The following RPL27A variants were observed in gnomAD, a reference collection of about 807,000 sequenced individuals.
RPL27A encodes large ribosomal subunit protein uL15.
For synonymous variants in RPL27A, 69 were observed against 68.3 expected, an observed-to-expected ratio of 1.01 and a Z score of -0.05; for missense variants, 118 against 189.4, an observed-to-expected ratio of 0.62 and a Z score of 2.21.
Position 8,686,026 on chromosome 11 carries a change from C to G in RPL27A, c.*220C>G. ...AGTTAAACATTTCTGTTTATAAAGTCAGAATAATACCTGTTGATCACTGAA... is the reference window on the plus strand; with the variant it reads ...AGTTAAACATTTCTGTTTATAAAGTGAGAATAATACCTGTTGATCACTGAA... On this transcript the variant is annotated 3_prime_UTR_variant, in exon 5 of 5. Transcript: ENST00000314138. 1 of 527,122 alleles carries G rather than the reference C, an allele frequency of 1.9e-6. No individual in the cohort carries two copies. The highest frequency in any genetic ancestry group is 3.4e-6 in the Non-Finnish European group (1 of 293,524). The allele number at this position is 527,122 out of a possible 1,614,324, so 32.7% of individuals were successfully genotyped here. A position where few individuals can be genotyped will look rare whatever the true frequency, so the allele number is the denominator to read the frequency against.
In RPL27A at chr11:8,688,167, AGT is replaced by A. The variant is rs2039604550; in HGVS notation, c.*2363_*2364del. ...CTGAAGGCAGAACCAAGAAAATGGG[AGT>A]GAGTATGGAAAAGGTACGATTCAGA... On this transcript the variant is annotated 3_prime_UTR_variant, in exon 5 of 5. Coordinates refer to ENST00000314138, the MANE Select transcript of RPL27A (RefSeq NM_000990.5). 6.6e-6 allele frequency: 1 copy of A among 152,284 alleles called. No individual in the cohort carries two copies. Among genetic ancestry groups the A allele is most frequent in the Non-Finnish European group, 1.5e-5 (1 of 68,112 alleles). The allele number at this position is 152,284 out of a possible 1,614,324, so 9.4% of individuals were successfully genotyped here.
intron 1 of RPL27A, 25 bp downstream of exon 1, chr11:8,682,841 T>G: frequency 6.2e-7 from 1 of 1,609,184 alleles, no homozygotes; most frequent in Non-Finnish European, 8.5e-7. Context: ...TCTTGCCTCC[T>G]CTTCCTTGCC....
intron 2 of RPL27A, chr11:8,683,491 T>G: frequency 1.7e-6 from 1 of 586,574 alleles, no homozygotes. Context: ...GTTGAAGACA[T>G]GGAGTACTGT....
chr11:8,683,190 T>C lies in RPL27A; in HGVS notation c.4-12T>C, dbSNP rs376923224. On this transcript the variant is annotated splice_polypyrimidine_tract_variant and intron_variant, in intron 1 of 4. Coordinates refer to ENST00000314138, the MANE Select transcript of RPL27A (RefSeq NM_000990.5). Reference sequence around the variant, plus strand: ...ATTCCTTAGGCCTTACCACCAAGCTTTTTCCACACAGCCATCCAGACTGAG... The same window carrying C: ...ATTCCTTAGGCCTTACCACCAAGCTCTTTCCACACAGCCATCCAGACTGAG... The C allele has an allele frequency of 5.0e-6, 8 of 1,613,976 alleles. No individual in the cohort carries two copies. Among genetic ancestry groups the C allele is most frequent in the Non-Finnish European group, 6.8e-6 (8 of 1,179,966 alleles).
At position 8,688,324 on chromosome 11, in the gene RPL27A, T is replaced by G. The variant is rs2039606060; in HGVS notation, c.*2518T>G. ...AATGGCTACCTTCTTCCCCAGGAGT[T>G]GTTAGGCCATCCGATCCCCTGGCCT... On this transcript the variant is annotated 3_prime_UTR_variant, in exon 5 of 5. Coordinates refer to ENST00000314138, the MANE Select transcript of RPL27A (RefSeq NM_000990.5). 6.6e-6 allele frequency: 1 copy of G among 152,170 alleles called. No homozygotes were observed. The highest frequency in any genetic ancestry group is 2.1e-4 in the South Asian group (1 of 4,828). The allele number at this position is 152,170 out of a possible 1,614,324, so 9.4% of individuals were successfully genotyped here. A position where few individuals can be genotyped will look rare whatever the true frequency, so the allele number is the denominator to read the frequency against.
chr11:8,684,132 G>A, intron 3 of RPL27A, 51 bp downstream of exon 3: 1 of 1,474,794 alleles, frequency 6.8e-7, no homozygotes, highest in Non-Finnish European at 9.5e-7. Flanking sequence ...GGTAGGGGCA[G>A]AGAGAGGGCT....
At chr11:8,683,609 C>CT in intron 2 of RPL27A, 2 of 496,124 alleles carry the variant, frequency 4.0e-6, no homozygotes, top group South Asian at 4.4e-5. Context: ...AAGCGGGACA[C>CT]AGAAGTCTGG....
In RPL27A at chr11:8,686,434, T is replaced by G. The variant is rs1334824033; in HGVS notation, c.*628T>G. 1 of 152,430 alleles carries G rather than the reference T, an allele frequency of 6.6e-6. No homozygotes were observed. Among genetic ancestry groups the G allele is most frequent in the Non-Finnish European group, 1.5e-5 (1 of 68,238 alleles). 9.4% of individuals were successfully genotyped at this position (152,430 alleles called of 1,614,324 possible). On this transcript the variant is annotated 3_prime_UTR_variant, in exon 5 of 5. Transcript: ENST00000314138. Reference sequence around the variant, plus strand: ...TCAGTAGAGATGGGGTTTCACCATGTTGGCCATGCTGGTCTCTAACTCCTA... The same window carrying G: ...TCAGTAGAGATGGGGTTTCACCATGGTGGCCATGCTGGTCTCTAACTCCTA...
At chr11:8,684,318 G>A (rs777994723) in intron 3 of RPL27A, 2 of 745,692 alleles carry the variant, frequency 2.7e-6, no homozygotes, top group South Asian at 2.7e-5. Context: ...ACTGGCTGTG[G>A]GCCTTATGGC....
At chr11:8,682,878 A>G (rs1266317381) in intron 1 of RPL27A, 62 bp downstream of exon 1, 3 of 1,560,476 alleles carry the variant, frequency 1.9e-6, no homozygotes, top group Middle Eastern at 1.7e-4. Context: ...CTGTATTCCC[A>G]TTGCCCCTAG....
chr11:8,685,968 A>G lies in RPL27A; in HGVS notation c.*162A>G, dbSNP rs945865418. The stretch of plus-strand genomic sequence containing the variant: ...TCCTCTCCTGACTTCCCTCAAATAT[A>G]TGGTAAACGTAAGACCAACACAGAC... On this transcript the variant is annotated 3_prime_UTR_variant, in exon 5 of 5. Coordinates refer to ENST00000314138, the MANE Select transcript of RPL27A (RefSeq NM_000990.5). 1.1e-5 allele frequency: 7 copies of G among 631,000 alleles called. No homozygotes were observed. Among genetic ancestry groups the G allele is most frequent in the Non-Finnish European group, 1.6e-5 (6 of 364,594 alleles). The allele number at this position is 631,000 out of a possible 1,614,324, so 39.1% of individuals were successfully genotyped here. A position where few individuals can be genotyped will look rare whatever the true frequency, so the allele number is the denominator to read the frequency against.
rs1555082942 is a variant in RPL27A at position 8,687,389 on chromosome 11, T to TTCCCCC, written c.*1583_*1584insTCCCCC. On this transcript the variant is annotated 3_prime_UTR_variant, in exon 5 of 5. Transcript: ENST00000314138. ...CTTGGGCAACAAGAGTGAAACTCTG[T>TTCCCCC]CCACCCCCCCCAAAAAAAGTAAGGG... 7 of 100,794 alleles carry TTCCCCC rather than the reference T, an allele frequency of 6.9e-5. No homozygotes were observed. The highest frequency in any genetic ancestry group is 2.2e-4 in the Admixed American group (2 of 9,160). The allele number at this position is 100,794 out of a possible 1,614,324, so 6.2% of individuals were successfully genotyped here.
chr11:8,684,458 G>A (rs1295464738), intron 3 of RPL27A: 7 of 695,832 alleles, frequency 1.0e-5, no homozygotes, highest in Non-Finnish European at 1.8e-5. Context: ...GCTGTTATGT[G>A]ACTTGAATTT....
chr11:8,685,146 C>T, intron 4 of RPL27A: 1 of 544,900 alleles, frequency 1.8e-6, no homozygotes. Flanking sequence ...CCTTCATGTT[C>T]TCCAGATAAT....
rs2039601738 is a variant in RPL27A, at chr11:8,687,840, G to C, written c.*2034G>C. The C allele has an allele frequency of 6.6e-6, 1 of 152,076 alleles. No homozygotes were observed. Among genetic ancestry groups the C allele is most frequent in the African/African-American group, 2.4e-5 (1 of 41,356 alleles). The allele number at this position is 152,076 out of a possible 1,614,324, so 9.4% of individuals were successfully genotyped here. ...AGACAGGGTTTCACCGTGTTAGCCA[G>C]GATGGTCTCGATCTCCTGATCTGCC... On this transcript the variant is annotated 3_prime_UTR_variant, in exon 5 of 5. Transcript: ENST00000314138.
Position 8,689,224 on chromosome 11 carries a change from G to C in RPL27A, c.*3418G>C, listed in dbSNP as rs2039616265. The C allele has an allele frequency of 6.6e-6, 1 of 152,260 alleles. No homozygotes were observed. Among genetic ancestry groups the C allele is most frequent in the South Asian group, 2.1e-4 (1 of 4,838 alleles). 9.4% of individuals were successfully genotyped at this position (152,260 alleles called of 1,614,324 possible). A position where few individuals can be genotyped will look rare whatever the true frequency, so the allele number is the denominator to read the frequency against. ...GCCGCACTTCGAGCCCCTTTAGGGTGCGTTTAAGAACAGTGGGCGTGGCCT... is the reference window on the plus strand; with the variant it reads ...GCCGCACTTCGAGCCCCTTTAGGGTCCGTTTAAGAACAGTGGGCGTGGCCT... On this transcript the variant is annotated 3_prime_UTR_variant, in exon 5 of 5. Transcript: ENST00000314138.
chr11:8,684,647 G>T, intron 3 of RPL27A, 71 bp from the exon 4 acceptor site: 2 of 1,319,276 alleles, frequency 1.5e-6, no homozygotes, highest in Non-Finnish European at 2.2e-6. Flanking sequence ...ATAGGGGGTG[G>T]TAACTATAAA....
chr11:8,685,647 G>A lies in RPL27A; in HGVS notation c.319-31G>A, dbSNP rs770327585. On this transcript the variant is annotated intron_variant, in intron 4 of 4. Coordinates refer to ENST00000314138, the MANE Select transcript of RPL27A (RefSeq NM_000990.5). ...TCACGCAGTTGGTACCTACTACAGT[G>A]TATTGTAAACTTTTTTCTCTGTTCT... 5 of 1,613,158 alleles carry A rather than the reference G, an allele frequency of 3.1e-6. No homozygotes were observed. The African/African-American group carries it at 5.3e-5, about 17-fold the overall frequency.
At position 8,686,011 on chromosome 11, in the gene RPL27A, TTC is replaced by T; in HGVS notation, c.*207_*208del. 1 of 556,244 alleles carries T rather than the reference TTC, an allele frequency of 1.8e-6. No homozygotes were observed. Among genetic ancestry groups the T allele is most frequent in the Non-Finnish European group, 3.2e-6 (1 of 311,464 alleles). The allele number at this position is 556,244 out of a possible 1,614,324, so 34.5% of individuals were successfully genotyped here. A position where few individuals can be genotyped will look rare whatever the true frequency, so the allele number is the denominator to read the frequency against. ...ACACAGACGTTGGCCAGTTAAACATTTCTGTTTATAAAGTCAGAATAATACCT... is the reference window on the plus strand; with the variant it reads ...ACACAGACGTTGGCCAGTTAAACATTTGTTTATAAAGTCAGAATAATACCT... On this transcript the variant is annotated 3_prime_UTR_variant, in exon 5 of 5. Transcript: ENST00000314138.
Sources: gnomAD v4.1 joint callset for allele counts on GRCh38, gnomAD v4.1.1 for gene constraint, MANE v1.5 for transcripts, NCBI Gene and HGNC (gene_info 2026-07-23, HGNC 2026-07-21) for gene names.